Variants in IPO7 observed in about 807,000 individuals in gnomAD.
IPO7 encodes importin-7.
A neutral mutation model predicts 136.4 loss-of-function variants in IPO7; 13 were observed. The ratio of observed to expected loss-of-function variants is 0.10; its 90% confidence interval spans 0.06 to 0.15. The LOEUF (loss-of-function observed/expected upper bound fraction) is 0.15, where lower values mean the gene tolerates loss of function less well. IPO7 is among the 10% of genes least tolerant of loss of function. The probability of loss-of-function intolerance (pLI) is 1.00; values close to 1 mark genes in which losing one functional copy is unlikely to be tolerated. For missense variants in IPO7, 857 were observed against 1,240.6 expected (o/e 0.69, Z 4.65); for synonymous variants, 403 against 404.4 (o/e 1.00, Z 0.04).
intron 6 of IPO7, among the ~76,000 whole-genome samples, chr11:9,418,656 T>C (rs1255802862): frequency 1.3e-5 from 2 of 152,246 alleles, no homozygotes; most frequent in African/African-American, 4.8e-5. Context: ...ATATAAAATA[T>C]AACTTTTAAA....
intron 5 of IPO7, chr11:9,414,646 T>TTG (rs869277796): frequency 4.6e-5 from 12 of 260,826 alleles, no homozygotes; most frequent in African/African-American, 2.9e-4. Flanking sequence ...TTTTTTTTTT[T>TTG]GAGACTGTCT....
rs759135901 is a variant in IPO7 at position 9,408,475 on chromosome 11, C to G, written c.167-11C>G. ...GTAAACATTCTTTTGTCAAACTGAT[C>G]TGTATTTTAGGTGTTATCTATCTGA... On this transcript the variant is annotated splice_polypyrimidine_tract_variant and intron_variant, in intron 2 of 24. Transcript: ENST00000379719. 2.0e-6 allele frequency: 3 copies of G among 1,472,474 alleles called. No homozygotes were observed. Among genetic ancestry groups the G allele is most frequent in the Non-Finnish European group, 2.7e-6 (3 of 1,106,096 alleles). The allele number at this position is 1,472,474 out of a possible 1,614,324, so 91.2% of individuals were successfully genotyped here.
At chr11:9,401,561 TAAAAA>T (rs11330854) in intron 1 of IPO7, among the ~76,000 whole-genome samples, 2 of 139,910 alleles carry the variant, frequency 1.4e-5, no homozygotes, top group African/African-American at 5.4e-5. Flanking sequence ...AACAAAAAAT[TAAAAA>T]AAAAAAAAAA....
chr11:9,398,343 A>G (rs940472014), intron 1 of IPO7, among the ~76,000 whole-genome samples: 1 of 152,366 alleles, frequency 6.6e-6, no homozygotes, highest in South Asian at 2.1e-4. Context: ...CAAATATAGT[A>G]AACAAATATG....
chr11:9,437,222 A>G (rs1855388731), intron 20 of IPO7, among the ~76,000 whole-genome samples: 1 of 150,986 alleles, frequency 6.6e-6, no homozygotes, highest in Non-Finnish European at 1.5e-5. Context: ...TGAAGCCATG[A>G]TTGATATCAT....
chr11:9,407,380 C>A (rs1469701748), intron 2 of IPO7, among the ~76,000 whole-genome samples: 1 of 152,104 alleles, frequency 6.6e-6, no homozygotes, highest in Admixed American at 6.6e-5. Flanking sequence ...ATGGTGAAAC[C>A]TTGTCTCTAC....
intron 24 of IPO7, among the ~76,000 whole-genome samples, chr11:9,443,064 C>T (rs1855480452): frequency 6.6e-6 from 1 of 151,856 alleles, no homozygotes; most frequent in Admixed American, 6.6e-5. Context: ...CACAGCCAGA[C>T]ATGGTGGCGC....
At position 9,445,526 on chromosome 11, in the gene IPO7, T is replaced by C. The variant is rs1855516320; in HGVS notation, c.*332T>C. 4.9e-6 allele frequency: 1 copy of C among 204,748 alleles called. No individual in the cohort carries two copies. Among genetic ancestry groups the C allele is most frequent in the African/African-American group, 2.3e-5 (1 of 43,566 alleles). 12.7% of individuals were successfully genotyped at this position (204,748 alleles called of 1,614,324 possible). On this transcript the variant is annotated 3_prime_UTR_variant, in exon 25 of 25. Coordinates refer to ENST00000379719, the MANE Select transcript of IPO7 (RefSeq NM_006391.3). The stretch of plus-strand genomic sequence containing the variant: ...GTCATGAAGGCAGCTTTTCTTTTTC[T>C]GAGGAAAAAATAGGCATGGGCTACA...
chr11:9,417,771 G>A (rs1172592799), intron 6 of IPO7, among the ~76,000 whole-genome samples: 1 of 150,544 alleles, frequency 6.6e-6, no homozygotes, highest in Middle Eastern at 3.4e-3. Context: ...GGAGTGCAGT[G>A]GCGCAATCTC....
intron 6 of IPO7, 125 bp from the exon 7 acceptor site, chr11:9,420,286 C>T (rs980520070): frequency 4.8e-6 from 3 of 630,460 alleles, no homozygotes; most frequent in Non-Finnish European, 5.6e-6. Flanking sequence ...TAGAGCAAGA[C>T]TCCATCTCAA....
chr11:9,438,254 TGATGATGAAGCTGAA>T lies in IPO7; in HGVS notation c.2673_2687del (p.Glu891_Asp895del). On this transcript the variant is annotated inframe_deletion, in exon 22 of 25. Transcript: ENST00000379719. ...CAGAACATGAGAATGACAGTGATGA[TGATGATGAAGCTGAA>T]GATGATGATGAAACCGGTAAGGGAT... 1 of 1,590,976 alleles carries T rather than the reference TGATGATGAAGCTGAA, an allele frequency of 6.3e-7. No individual in the cohort carries two copies. Among genetic ancestry groups the T allele is most frequent in the Non-Finnish European group, 8.6e-7 (1 of 1,160,050 alleles).
intron 19 of IPO7, among the ~76,000 whole-genome samples, chr11:9,435,973 T>C (rs1163604994): frequency 1.3e-5 from 2 of 152,196 alleles, no homozygotes; most frequent in Non-Finnish European, 2.9e-5. Flanking sequence ...GAGAAGTTAG[T>C]GGTTGTCAAC....
rs1055260625 is a variant in IPO7, at chr11:9,447,590, A to G, written c.*2396A>G. On this transcript the variant is annotated 3_prime_UTR_variant, in exon 25 of 25. Coordinates refer to ENST00000379719, the MANE Select transcript of IPO7 (RefSeq NM_006391.3). ...TTCTCTTGTAATTAGCTACATAGGG[A>G]CTTGTCTTTTTTTCTTTTTACATAC... 5.9e-5 allele frequency: 9 copies of G among 152,100 alleles called. No individual in the cohort carries two copies. Among genetic ancestry groups the G allele is most frequent in the African/African-American group, 2.2e-4 (9 of 41,514 alleles). The allele number at this position is 152,100 out of a possible 1,614,324, so 9.4% of individuals were successfully genotyped here.
rs1224072313 is a variant in IPO7, at chr11:9,448,084, G to A, written c.*2890G>A. The A allele has an allele frequency of 6.6e-6, 1 of 152,140 alleles. No individual in the cohort carries two copies. The highest frequency in any genetic ancestry group is 1.9e-4 in the East Asian group (1 of 5,198). 9.4% of individuals were successfully genotyped at this position (152,140 alleles called of 1,614,324 possible). ...TAACACAATGTCTTAAGTATAATAG[G>A]TAGTCTCTGTTTGTAAAATAAATGA... On this transcript the variant is annotated 3_prime_UTR_variant, in exon 25 of 25. Transcript: ENST00000379719.
intron 21 of IPO7, 35 bp from the exon 22 acceptor site, chr11:9,438,045 G>GTTTTTTTTTTTTTTTTTTT: frequency 1.6e-5 from 17 of 1,087,780 alleles, no homozygotes; most frequent in Admixed American, 9.0e-5. Flanking sequence ...AAAGAAAACA[G>GTTTTTTTTTTTTTTTTTTT]TTTTTTTTTT....
At chr11:9,419,559 A>AAAAATATAT (rs1256216265) in intron 6 of IPO7, among the ~76,000 whole-genome samples, 12 of 116,848 alleles carry the variant, frequency 1.0e-4, no homozygotes, top group Non-Finnish European at 2.0e-4. Context: ...AAAAAAAAAA[A>AAAAATATAT]ATATATATAT....
At chr11:9,409,180 C>T (rs1854934024) in intron 3 of IPO7, among the ~76,000 whole-genome samples, 1 of 151,520 alleles carries the variant, frequency 6.6e-6, no homozygotes, top group African/African-American at 2.4e-5. Flanking sequence ...GCAATCTCGG[C>T]TCGCTACAGC....
intron 20 of IPO7, among the ~76,000 whole-genome samples, chr11:9,436,782 C>T (rs1855374811): frequency 7.3e-6 from 1 of 137,816 alleles, no homozygotes; most frequent in Admixed American, 7.6e-5. Context: ...AAGCAGTTCT[C>T]CTGCCTCAGC....
At position 9,436,491 on chromosome 11, in the gene IPO7, T is replaced by G. The variant is rs530816594; in HGVS notation, c.2268+125T>G. On this transcript the variant is annotated intron_variant, in intron 20 of 24. Transcript: ENST00000379719. ...TTGTTTATTGAGACATCTAGACAACTAATATTTTTAGTTCAAAATGTAACT... is the reference window on the plus strand; with the variant it reads ...TTGTTTATTGAGACATCTAGACAACGAATATTTTTAGTTCAAAATGTAACT... 5.2e-5 allele frequency: 30 copies of G among 576,306 alleles called. No homozygotes were observed. In the South Asian group the frequency reaches 7.1e-4, roughly 14 times the overall value. 35.7% of individuals were successfully genotyped at this position (576,306 alleles called of 1,614,324 possible). A position where few individuals can be genotyped will look rare whatever the true frequency, so the allele number is the denominator to read the frequency against.
Sources: allele counts gnomAD v4.1 joint callset (sites outside exome capture counted in the v4.1 genomes callset), GRCh38; gene constraint gnomAD v4.1.1; transcripts MANE v1.5; gene names NCBI Gene and HGNC (gene_info 2026-07-23, HGNC 2026-07-21).